Variants in DCDC1 observed in about 807,000 individuals in gnomAD.
DCDC1 encodes doublecortin domain-containing protein 1.
A neutral mutation model predicts 178.3 loss-of-function variants in DCDC1; 200 were observed. The ratio of observed to expected loss-of-function variants is 1.12; its 90% CI spans 1.00 to 1.26. The LOEUF (loss-of-function observed/expected upper bound fraction) is 1.26, where lower values mean the gene tolerates loss of function less well. DCDC1 is among the 50% of genes most tolerant of loss of function. The pLI, the probability that DCDC1 is intolerant of heterozygous loss-of-function variation, is 0.00. For missense variants in DCDC1, 1,983 were observed against 1,749.2 expected (o/e 1.13, Z -2.38); for synonymous variants, 690 against 604.8 (o/e 1.14, Z -2.07).
At position 31,338,280 on chromosome 11, in the gene DCDC1, TG is replaced by T. The variant is rs780859587; in HGVS notation, c.-124-2717del. On this transcript the variant is annotated intron_variant, in intron 1 of 38. Coordinates refer to ENST00000684477, the MANE Select transcript of DCDC1 (RefSeq NM_001387274.1). ...TACATCCATTCTGTTAGGTGTGATG[TG>T]GCAAATGCATTAACTTTTAGTTTAT... is the stretch of plus-strand genomic sequence containing the variant. 1.7e-3 allele frequency among the ~76,000 whole-genome samples: 254 copies of T among 152,328 alleles called. 1 individual carries two copies. The highest frequency in any genetic ancestry group is 3.0e-3 in the Non-Finnish European group (204 of 68,022).
intron 20 of DCDC1, among the ~76,000 whole-genome samples, chr11:31,060,593 C>A (rs1955855713): frequency 6.6e-6 from 1 of 152,048 alleles, no homozygotes; most frequent in African/African-American, 2.4e-5. Flanking sequence ...TGTAACATGA[C>A]AATTATCAAT....
intron 11 of DCDC1, among the ~76,000 whole-genome samples, chr11:31,124,584 A>T (rs545008525): frequency 6.6e-6 from 1 of 152,294 alleles, no homozygotes; most frequent in African/African-American, 2.4e-5. Context: ...ACAAGAACAG[A>T]CATGTAGACC....
At chr11:31,031,651 T>C (rs1026403440) in intron 20 of DCDC1, among the ~76,000 whole-genome samples, 3 of 152,074 alleles carry the variant, frequency 2.0e-5, no homozygotes, top group Non-Finnish European at 4.4e-5. Flanking sequence ...GGAATCATAG[T>C]TAAATCTATA....
intron 25 of DCDC1, among the ~76,000 whole-genome samples, chr11:30,918,928 TA>T (rs1208981027): frequency 2.6e-5 from 4 of 152,132 alleles, no homozygotes; most frequent in Non-Finnish European, 5.9e-5. Flanking sequence ...ACCTTTATGA[TA>T]AAAAAGCAAT....
At chr11:30,996,583 T>C (rs1263348534) in intron 20 of DCDC1, among the ~76,000 whole-genome samples, 2 of 152,154 alleles carry the variant, frequency 1.3e-5, no homozygotes, top group African/African-American at 4.8e-5. Context: ...TCATCCCTTT[T>C]GCCCTTTCTG....
At chr11:31,158,583 G>A (rs1360444181) in intron 9 of DCDC1, among the ~76,000 whole-genome samples, 1 of 152,088 alleles carries the variant, frequency 6.6e-6, no homozygotes, top group Non-Finnish European at 1.5e-5. Context: ...CTATACATTT[G>A]ACTGAAAATA....
intron 20 of DCDC1, among the ~76,000 whole-genome samples, chr11:31,045,019 A>G (rs1954736276): frequency 6.6e-6 from 1 of 152,304 alleles, no homozygotes; most frequent in African/African-American, 2.4e-5. Context: ...TGGAATAATG[A>G]AATCTATGGT....
At chr11:31,035,790 T>C (rs1244315630) in intron 20 of DCDC1, among the ~76,000 whole-genome samples, 1 of 152,284 alleles carries the variant, frequency 6.6e-6, no homozygotes, top group Admixed American at 6.5e-5. Flanking sequence ...ATTATTGTTA[T>C]ACTGTTCCGA....
At chr11:31,128,409 C>G (rs1197310426) in intron 10 of DCDC1, among the ~76,000 whole-genome samples, 2 of 152,050 alleles carry the variant, frequency 1.3e-5, no homozygotes, top group African/African-American at 4.8e-5. Context: ...AACATTTTCA[C>G]CCATATAGTT....
chr11:31,030,743 G>T (rs558605008), intron 20 of DCDC1, among the ~76,000 whole-genome samples: 1 of 152,204 alleles, frequency 6.6e-6, no homozygotes, highest in South Asian at 2.1e-4. Flanking sequence ...TCAATTCATA[G>T]GATTTAGAGA....
In DCDC1 at chr11:30,908,974, A is replaced by G; in HGVS notation, c.3890T>C (p.Val1297Ala). The change falls in exon 29 of 39, where the codon GTG (valine) becomes GCG (alanine). Residue 1297 changes from valine (V) to alanine (A), a missense_variant. Physicochemically the swap from Val to Ala is moderately conservative, Grantham distance 64. Coordinates refer to ENST00000684477, the MANE Select transcript of DCDC1 (RefSeq NM_001387274.1). ...ANYAGVCTSSVIKEENIDQPG... is the reference protein window; with the variant it reads ...ANYAGVCTSSAIKEENIDQPG... Reference sequence around the variant, plus strand: ...TTGATCAATGTTTTCTTCTTTAATCACAGATGATGTACAGACACCAGCATA... The same window carrying G: ...TTGATCAATGTTTTCTTCTTTAATCGCAGATGATGTACAGACACCAGCATA... 1.2e-6 allele frequency: 2 copies of G among 1,604,536 alleles called. No homozygotes were observed. The highest frequency in any genetic ancestry group is 1.7e-6 in the Non-Finnish European group (2 of 1,174,728).
At chr11:30,916,652 G>A (rs1463227885) in intron 26 of DCDC1, among the ~76,000 whole-genome samples, 1 of 152,112 alleles carries the variant, frequency 6.6e-6, no homozygotes, top group South Asian at 2.1e-4. Flanking sequence ...ACACACAAAT[G>A]AGTAAGATAT....
intron 1 of DCDC1, among the ~76,000 whole-genome samples, chr11:31,335,986 T>C (rs1027646269): frequency 2.0e-5 from 3 of 152,240 alleles, no homozygotes; most frequent in Non-Finnish European, 4.4e-5. Context: ...ATTCACGCAT[T>C]ATTCGTTGAC....
intron 36 of DCDC1, among the ~76,000 whole-genome samples, chr11:30,888,122 GAAAGAA>G (rs1565030103): frequency 7.4e-6 from 1 of 135,652 alleles, no homozygotes; most frequent in East Asian, 2.2e-4. Context: ...AAGAAAGAAA[GAAAGAA>G]AGAAAGAAAG....
intron 10 of DCDC1, among the ~76,000 whole-genome samples, chr11:31,135,291 TC>T (rs1487169087): frequency 6.6e-6 from 1 of 152,202 alleles, no homozygotes; most frequent in African/African-American, 2.4e-5. Flanking sequence ...CATTAGGATT[TC>T]CTTTCTCTGT....
intron 3 of DCDC1, chr11:31,314,340 AACCT>A (rs1948939009): frequency 2.6e-5 from 4 of 152,218 alleles, no homozygotes; most frequent in East Asian, 1.9e-4. Context: ...TTATATATCT[AACCT>A]ACCTACCTAC....
chr11:31,218,216 A>T (rs1973820033), intron 9 of DCDC1, among the ~76,000 whole-genome samples: 1 of 152,128 alleles, frequency 6.6e-6, no homozygotes, highest in Non-Finnish European at 1.5e-5. Context: ...AATATTTCTA[A>T]TGTGTACTGA....
chr11:31,331,656 T>C (rs1032305727), intron 2 of DCDC1, among the ~76,000 whole-genome samples: 5 of 152,290 alleles, frequency 3.3e-5, no homozygotes, highest in Admixed American at 2.6e-4. Context: ...TTGTCTTTGG[T>C]TCTGTTTATG....
chr11:31,290,441 T>C (rs1947141630), intron 7 of DCDC1, among the ~76,000 whole-genome samples: 1 of 152,012 alleles, frequency 6.6e-6, no homozygotes, highest in Admixed American at 6.6e-5. Context: ...TTTCCTGAAA[T>C]ATTGTTGCTT....
Sources: allele counts gnomAD v4.1 joint callset (sites outside exome capture counted in the v4.1 genomes callset), GRCh38; gene constraint gnomAD v4.1.1; transcripts MANE v1.5; gene names NCBI Gene and HGNC (gene_info 2026-07-23, HGNC 2026-07-21).